The following RBM6 variants were observed in gnomAD, a reference collection of about 807,000 sequenced individuals.
The protein encoded by RBM6 is RNA-binding protein 6.
In RBM6, 23 loss-of-function variants were observed where a neutral mutation model predicts 140.4. The ratio of observed to expected loss-of-function variants is 0.16; its 90% confidence interval spans 0.12 to 0.23. RBM6 has a LOEUF of 0.23. RBM6 is among the 10% of genes least tolerant of loss of function. The pLI, the probability that RBM6 is intolerant of heterozygous loss-of-function variation, is 1.00. For missense variants in RBM6, 1,139 were observed against 1,386.7 expected, an observed-to-expected ratio of 0.82 and a Z score of 2.84; for synonymous variants, 439 against 475.6, an observed-to-expected ratio of 0.92 and a Z score of 1.00.
At chr3:49,996,581 C>T (rs1453585036) in intron 5 of RBM6, among the ~76,000 whole-genome samples, 1 of 152,062 alleles carries the variant, frequency 6.6e-6, no homozygotes, top group Non-Finnish European at 1.5e-5. Context: ...TTCGTCTTTT[C>T]AGAAGAATTT....
At chr3:50,033,221 C>T (rs965110137) in intron 6 of RBM6, among the ~76,000 whole-genome samples, 5 of 147,650 alleles carry the variant, frequency 3.4e-5, no homozygotes, top group Admixed American at 6.8e-5. Flanking sequence ...TGCTTGAACC[C>T]GGGAGGCAGA....
chr3:50,065,073 G>A lies in RBM6; in HGVS notation c.2629G>A (p.Val877Ile), dbSNP rs1175509612. ...TGAAGGGAAGGCCCCTGCAGAAGAC[G>A]TCTTTAAGAAGCCCCTGCCTCCTAC... ...ASEGKAPAED[V>I]FKKPLPPTVK... The change falls in exon 16 of 21, where the codon GTC (valine) becomes ATC (isoleucine). Residue 877 changes from valine (V) to isoleucine (I), a missense_variant. This residue lies in a region of RBM6 where 163 missense variants were observed against 182.8 expected (regional missense o/e 0.89). Coordinates refer to ENST00000266022, the MANE Select transcript of RBM6 (RefSeq NM_005777.3). 5 of 1,613,844 alleles carry A rather than the reference G, an allele frequency of 3.1e-6. No homozygotes were observed. Among genetic ancestry groups the A allele is most frequent in the African/African-American group, 2.7e-5 (2 of 74,906 alleles).
At chr3:49,958,579 C>A (rs6780522) in intron 1 of RBM6, among the ~76,000 whole-genome samples, 75,445 of 146,594 alleles carry the variant, frequency 0.51, 20,434 homozygotes, top group African/African-American at 0.67. Context: ...GTCTCAAAAA[C>A]AAAAAACAAA....
chr3:50,011,944 C>T (rs897248877), intron 6 of RBM6, among the ~76,000 whole-genome samples: 18 of 151,794 alleles, frequency 1.2e-4, no homozygotes, highest in African/African-American at 2.7e-4. Flanking sequence ...CTCCACCTCC[C>T]GGGCTCAAGC....
intron 6 of RBM6, among the ~76,000 whole-genome samples, chr3:50,023,821 G>GT (rs1360894063): frequency 6.6e-6 from 1 of 151,788 alleles, no homozygotes; most frequent in Non-Finnish European, 1.5e-5. Flanking sequence ...GCTAATTTTT[G>GT]TATTTTTGTA....
chr3:50,075,466 CT>C (rs2108963040), intron 20 of RBM6, 136 bp downstream of exon 20: 1 of 1,215,842 alleles, frequency 8.2e-7, no homozygotes, highest in Non-Finnish European at 1.1e-6. Context: ...GAGTTGAACA[CT>C]TTAGCCTTGA....
chr3:49,962,233 A>G (rs2084316153), intron 1 of RBM6, among the ~76,000 whole-genome samples: 1 of 151,188 alleles, frequency 6.6e-6, no homozygotes. Flanking sequence ...TGGGCGGATC[A>G]TGAGGTCAGG....
intron 10 of RBM6, 106 bp from the exon 11 acceptor site, chr3:50,059,543 C>T (rs758299595): frequency 1.1e-6 from 1 of 882,690 alleles, no homozygotes; most frequent in Non-Finnish European, 1.7e-6. Flanking sequence ...TAAATTTATC[C>T]TCTGAGAAGG....
At chr3:50,019,235 A>G (rs1380176427) in intron 6 of RBM6, among the ~76,000 whole-genome samples, 1 of 151,794 alleles carries the variant, frequency 6.6e-6, no homozygotes, top group Non-Finnish European at 1.5e-5. Context: ...ATGTTGGCTA[A>G]GATGGTCTTG....
rs2090124207 is a variant in RBM6 at position 50,066,422 on chromosome 3, C to T, written c.2863C>T (p.Leu955=). The change falls in exon 17 of 21, where the codon CTG becomes TTG. Residue 955 remains leucine (L), a synonymous_variant. Coordinates refer to ENST00000266022, the MANE Select transcript of RBM6 (RefSeq NM_005777.3). ...EEDKLTDWNK[L]ACLLCRRQFP... ...AGACAAACTCACTGACTGGAATAAA[C>T]TGGCTTGTCTGCTTTGCAGAAGGCA... The T allele has an allele frequency of 1.2e-6, 2 of 1,613,934 alleles. No individual in the cohort carries two copies. Among genetic ancestry groups the T allele is most frequent in the East Asian group, 2.2e-5 (1 of 44,892 alleles).
At position 50,054,451 on chromosome 3, in the gene RBM6, C is replaced by T. The variant is rs535936137; in HGVS notation, c.1693+56C>T. Reference sequence around the variant, plus strand: ...CTCGTGCATTGAGCAAAACAAATTTCATGTTTTCCTTGGCTTTGAAGAATT... The same window carrying T: ...CTCGTGCATTGAGCAAAACAAATTTTATGTTTTCCTTGGCTTTGAAGAATT... On this transcript the variant is annotated intron_variant, in intron 8 of 20. Coordinates refer to ENST00000266022, the MANE Select transcript of RBM6 (RefSeq NM_005777.3). 13 of 1,399,398 alleles carry T rather than the reference C, an allele frequency of 9.3e-6. No homozygotes were observed. In the African/African-American group the frequency reaches 1.6e-4, roughly 17 times the overall value. 86.7% of individuals were successfully genotyped at this position (1,399,398 alleles called of 1,614,324 possible).
At chr3:50,048,392 T>A in intron 7 of RBM6, 73 bp downstream of exon 7, 5 of 1,557,848 alleles carry the variant, frequency 3.2e-6, no homozygotes, top group Non-Finnish European at 3.5e-6. Context: ...CTAGGAAGGC[T>A]GCCTGCTAAC....
intron 6 of RBM6, among the ~76,000 whole-genome samples, chr3:50,026,015 T>G (rs927580822): frequency 2.0e-5 from 3 of 151,934 alleles, no homozygotes; most frequent in Admixed American, 6.6e-5. Flanking sequence ...TGCTTGGAGA[T>G]GGAGGTTGCA....
At chr3:50,021,507 G>A (rs1269440369) in intron 6 of RBM6, among the ~76,000 whole-genome samples, 2 of 151,998 alleles carry the variant, frequency 1.3e-5, no homozygotes, top group Non-Finnish European at 2.9e-5. Context: ...GGGTGTGGTG[G>A]CACACGCCTG....
In RBM6 at chr3:49,999,457, G is replaced by T. The variant is rs755094107; in HGVS notation, c.1501G>T (p.Val501Phe). The change falls in exon 6 of 21, where the codon GTC (valine) becomes TTC (phenylalanine). Residue 501 changes from valine to phenylalanine, a missense_variant. By Grantham distance (50) the Val-to-Phe change is conservative. Coordinates refer to ENST00000266022, the MANE Select transcript of RBM6 (RefSeq NM_005777.3). ...GTCCCCAGGTTACGACTATGGCTAT[G>T]TCTGCGTGGAGTTTTCACTCTTGGA... ...EYNTGYDYGY[V>F]CVEFSLLEDA... 1 of 1,613,948 alleles carries T rather than the reference G, an allele frequency of 6.2e-7. No individual in the cohort carries two copies.
At chr3:50,061,642 A>T (rs1460972124) in intron 14 of RBM6, 95 bp downstream of exon 14, 1 of 1,443,784 alleles carries the variant, frequency 6.9e-7, no homozygotes. Context: ...TGAGGATTTT[A>T]TTCCCTGGAT....
At chr3:49,942,526 A>G (rs1421436187) in intron 1 of RBM6, among the ~76,000 whole-genome samples, 2 of 151,812 alleles carry the variant, frequency 1.3e-5, no homozygotes, top group Non-Finnish European at 2.9e-5. Context: ...ATACAATTCA[A>G]TGGTATTAAT....
chr3:50,003,308 TA>T (rs61492386), intron 6 of RBM6, among the ~76,000 whole-genome samples: 5,422 of 112,624 alleles, frequency 0.048, 186 homozygotes, highest in African/African-American at 0.097. Context: ...TGTCTAAATT[TA>T]AAAAAAAAAA....
At chr3:50,057,694 T>A (rs1193264369) in intron 8 of RBM6, 34 bp from the exon 9 acceptor site, 1 of 1,557,260 alleles carries the variant, frequency 6.4e-7, no homozygotes, top group Admixed American at 2.0e-5. Flanking sequence ...TTGATAAAGC[T>A]TTCTAGAGAT....
Sources: gnomAD v4.1 joint callset for allele counts (sites outside exome capture counted in the v4.1 genomes callset) on GRCh38, gnomAD v4.1.1 for gene constraint, gnomAD v4.1.1 regional missense constraint, MANE v1.5 for transcripts, NCBI Gene and HGNC (gene_info 2026-07-23, HGNC 2026-07-21) for gene names.